DNER: variants seen among roughly 807,000 people sequenced by gnomAD.
The protein encoded by DNER is delta and Notch-like epidermal growth factor-related receptor.
DNER carries 33 observed loss-of-function variants against 78.2 expected under a neutral mutation model. That is an observed-to-expected ratio of 0.42 (90% CI 0.32 to 0.56). The LOEUF (loss-of-function observed/expected upper bound fraction) is 0.56. Ranked by LOEUF, DNER falls within the 20% of genes least tolerant of loss-of-function variation. DNER has a pLI of 0.11. For missense variants in DNER, 918 were observed against 975.3 expected (o/e 0.94, Z 0.78); for synonymous variants, 417 against 384.8 (o/e 1.08, Z -0.98).
intron 1 of DNER, among the ~76,000 whole-genome samples, chr2:229,705,580 G>C (rs1383128408): frequency 4.6e-5 from 7 of 152,148 alleles, no homozygotes; most frequent in Admixed American, 4.6e-4. Flanking sequence ...GGAGCAGTCT[G>C]AGGCACAGCA....
intron 12 of DNER, among the ~76,000 whole-genome samples, chr2:229,365,231 G>C (rs532986604): frequency 1.3e-5 from 2 of 152,246 alleles, no homozygotes; most frequent in South Asian, 2.1e-4. Context: ...AGCTGTGAAG[G>C]TGACTGCAGC....
chr2:229,515,178 T>A (rs1695945682), intron 5 of DNER, among the ~76,000 whole-genome samples: 1 of 152,234 alleles, frequency 6.6e-6, no homozygotes, highest in South Asian at 2.1e-4. Context: ...AGTTTTTTCC[T>A]TTTGTATTTG....
rs562495978 is a variant in DNER, at chr2:229,670,612, G to C, written c.276+43536C>G. ...TAAACAGGAGGCAACACTAGTTCTGGGGTAAGTCAAAACTTTGTCTATAAA... is the reference window on the plus strand; with the variant it reads ...TAAACAGGAGGCAACACTAGTTCTGCGGTAAGTCAAAACTTTGTCTATAAA... On this transcript the variant is annotated intron_variant, in intron 1 of 12. Coordinates refer to ENST00000341772, the MANE Select transcript of DNER (RefSeq NM_139072.4). Among the ~76,000 whole-genome samples the C allele has an allele frequency of 7.9e-5, 12 of 152,294 alleles. No homozygotes were observed. The South Asian group carries it at 2.3e-3, about 29-fold the overall frequency.
chr2:229,497,866 C>T (rs1020977492), intron 6 of DNER, among the ~76,000 whole-genome samples: 2 of 152,072 alleles, frequency 1.3e-5, no homozygotes, highest in African/African-American at 4.8e-5. Flanking sequence ...GGCTTCACTG[C>T]TGAATTGTAT....
intron 6 of DNER, among the ~76,000 whole-genome samples, chr2:229,510,393 C>A (rs1182736305): frequency 6.6e-6 from 1 of 152,222 alleles, no homozygotes; most frequent in Non-Finnish European, 1.5e-5. Context: ...GACATGAGAA[C>A]CCTGGCTCTA....
chr2:229,603,746 C>T (rs187266509), intron 1 of DNER, among the ~76,000 whole-genome samples: 152 of 150,436 alleles, frequency 1.0e-3, no homozygotes, highest in African/African-American at 3.7e-3. Context: ...TGGGGGGGTG[C>T]TTTTCTGTGC....
intron 8 of DNER, among the ~76,000 whole-genome samples, chr2:229,434,526 A>G (rs1017468269): frequency 2.0e-5 from 3 of 152,178 alleles, no homozygotes; most frequent in Non-Finnish European, 2.9e-5. Flanking sequence ...TGACAACTCA[A>G]TTATATGAGT....
At chr2:229,372,418 G>A (rs960004724) in intron 11 of DNER, among the ~76,000 whole-genome samples, 8 of 152,334 alleles carry the variant, frequency 5.3e-5, no homozygotes, top group Admixed American at 2.6e-4. Context: ...GAGCAGAGGG[G>A]AGACTGCACA....
intron 4 of DNER, among the ~76,000 whole-genome samples, chr2:229,561,844 T>C (rs541881287): frequency 6.6e-6 from 1 of 152,200 alleles, no homozygotes. Context: ...GAGTTTTTGC[T>C]GTGAACTGGG....
intron 5 of DNER, among the ~76,000 whole-genome samples, chr2:229,522,021 T>C (rs926196968): frequency 6.6e-6 from 1 of 151,960 alleles, no homozygotes; most frequent in African/African-American, 2.4e-5. Flanking sequence ...TGTAGCTTAT[T>C]ATAAAAAAAA....
chr2:229,465,017 T>C (rs1311757992), intron 7 of DNER, among the ~76,000 whole-genome samples: 1 of 152,164 alleles, frequency 6.6e-6, no homozygotes, highest in African/African-American at 2.4e-5. Flanking sequence ...TGGAAGACAG[T>C]GTGGTGATTC....
intron 4 of DNER, among the ~76,000 whole-genome samples, chr2:229,561,965 C>G (rs76740124): frequency 1.3e-5 from 2 of 152,124 alleles, no homozygotes; most frequent in Admixed American, 6.5e-5. Flanking sequence ...GGCTAAAATA[C>G]CAATGTGATT....
chr2:229,690,031 C>T (rs886753166), intron 1 of DNER, among the ~76,000 whole-genome samples: 2 of 152,222 alleles, frequency 1.3e-5, no homozygotes, highest in African/African-American at 4.8e-5. Flanking sequence ...CAATTATTTC[C>T]TTTCTGTGGG....
chr2:229,642,521 A>C (rs1288594655), intron 1 of DNER, among the ~76,000 whole-genome samples: 1 of 152,344 alleles, frequency 6.6e-6, no homozygotes, highest in South Asian at 2.1e-4. Context: ...GCTACAACAC[A>C]TGGCAGAAAA....
At chr2:229,403,311 T>C (rs1025601239) in intron 10 of DNER, among the ~76,000 whole-genome samples, 3 of 152,168 alleles carry the variant, frequency 2.0e-5, no homozygotes, top group Non-Finnish European at 4.4e-5. Context: ...GAACACTAGT[T>C]CTCAGGAACA....
intron 1 of DNER, among the ~76,000 whole-genome samples, chr2:229,683,752 C>T (rs1699428466): frequency 6.6e-6 from 1 of 152,000 alleles, no homozygotes; most frequent in Admixed American, 6.6e-5. Context: ...AATAACATAC[C>T]TCAATGGCCA....
chr2:229,533,353 G>A (rs1339902569), intron 5 of DNER, among the ~76,000 whole-genome samples: 3 of 152,072 alleles, frequency 2.0e-5, no homozygotes, highest in Non-Finnish European at 4.4e-5. Context: ...TGTTGACATG[G>A]ACACCAAAGA....
chr2:229,457,544 C>T (rs1042482787), intron 7 of DNER, among the ~76,000 whole-genome samples: 2 of 151,864 alleles, frequency 1.3e-5, no homozygotes, highest in Admixed American at 1.3e-4. Context: ...CCAAAAAACC[C>T]AGCAGTATAG....
intron 1 of DNER, among the ~76,000 whole-genome samples, chr2:229,619,649 A>G (rs1263084740): frequency 6.6e-6 from 1 of 152,222 alleles, no homozygotes; most frequent in Non-Finnish European, 1.5e-5. Context: ...GCTGGTACGT[A>G]TAGTGTACTG....
Sources: gnomAD v4.1 joint callset for allele counts (sites outside exome capture counted in the v4.1 genomes callset) on GRCh38, gnomAD v4.1.1 for gene constraint, MANE v1.5 for transcripts, NCBI Gene and HGNC (gene_info 2026-07-23, HGNC 2026-07-21) for gene names.